The following MGA variants were observed in gnomAD, a reference collection of about 807,000 sequenced individuals.
MGA encodes the protein MAX dimerization protein MGA.
In MGA, 40 loss-of-function variants were observed where a neutral mutation model predicts 261.1. The ratio of observed to expected loss-of-function variants is 0.15; its 90% confidence interval spans 0.12 to 0.20. The LOEUF is 0.20. Among genes scored for constraint, MGA ranks in the 10% least tolerant of loss-of-function variants. The pLI, the probability that MGA is intolerant of heterozygous loss-of-function variation, is 1.00. For missense variants in MGA, 3,397 were observed against 3,630.5 expected (o/e 0.94, Z 1.65); for synonymous variants, 1,302 against 1,290.6 (o/e 1.01, Z -0.19).
chr15:41,758,635 T>C (rs753139805), intron 19 of MGA, among the ~76,000 whole-genome samples: 15 of 152,206 alleles, frequency 9.9e-5, no homozygotes, highest in Non-Finnish European at 1.6e-4. Flanking sequence ...TGTACCCAAA[T>C]AATTACATGC....
At chr15:41,745,044 GTATAT>G (rs2062363293) in intron 15 of MGA, among the ~76,000 whole-genome samples, 1 of 152,050 alleles carries the variant, frequency 6.6e-6, no homozygotes, top group South Asian at 2.1e-4. Context: ...ACGCAGTGGT[GTATAT>G]TATATTTTTA....
In MGA at chr15:41,749,854, G is replaced by C. The variant is rs1162363411; in HGVS notation, c.6247G>C (p.Val2083Leu). 1 of 1,613,908 alleles carries C rather than the reference G, an allele frequency of 6.2e-7. No individual in the cohort carries two copies. Among genetic ancestry groups the C allele is most frequent in the Non-Finnish European group, 8.5e-7 (1 of 1,179,882 alleles). ...TAAGAGTTCCAAAGAAAAAGTGGCT[G>C]TTCTGGAAGTTAGGACCATTTCTGA... The change falls in exon 17 of 24, where the codon GTT (valine) becomes CTT (leucine). Residue 2083 changes from valine to leucine, a missense_variant. Around this residue, in one of 9 missense-constraint regions of MGA, gnomAD observed 1,410 missense variants for 1,386.4 expected, o/e 1.02. Transcript: ENST00000219905.
intron 2 of MGA, among the ~76,000 whole-genome samples, chr15:41,683,780 C>T (rs2058799493): frequency 6.6e-6 from 1 of 151,682 alleles, no homozygotes; most frequent in African/African-American, 2.4e-5. Context: ...GGGGTTTCGC[C>T]ATGTTGCCCA....
chr15:41,666,914 G>A (rs2057775187), intron 1 of MGA, among the ~76,000 whole-genome samples: 1 of 152,082 alleles, frequency 6.6e-6, no homozygotes, highest in African/African-American at 2.4e-5. Context: ...TAAAGTCCTG[G>A]GAACAATTCT....
At position 41,749,815 on chromosome 15, in the gene MGA, G is replaced by A. The variant is rs768904931; in HGVS notation, c.6208G>A (p.Gly2070Arg). 8.1e-6 allele frequency: 13 copies of A among 1,613,928 alleles called. No homozygotes were observed. The change falls in exon 17 of 24, where the codon GGG (glycine) becomes AGG (arginine). Residue 2070 changes from glycine (G) to arginine (R), a missense_variant. Physicochemically the swap from Gly to Arg is moderately radical, Grantham distance 125 (BLOSUM62 -2). Around this residue, in one of 9 missense-constraint regions of MGA, gnomAD observed 1,410 missense variants for 1,386.4 expected, o/e 1.02. Transcript: ENST00000219905. Reference sequence around the variant, plus strand: ...TTATAAAGATGTTAATGAAGAATATGGGGCTAGGAATCGTAAGAGTTCCAA... The same window carrying A: ...TTATAAAGATGTTAATGAAGAATATAGGGCTAGGAATCGTAAGAGTTCCAA...
Position 41,670,019 on chromosome 15 carries a change from G to T in MGA, c.1064+61G>T, listed in dbSNP as rs2057956919. 19 of 1,348,246 alleles carry T rather than the reference G, an allele frequency of 1.4e-5. 1 individual carries two copies. The South Asian group carries it at 2.6e-4, about 19-fold the overall frequency. The allele number at this position is 1,348,246 out of a possible 1,614,324, so 83.5% of individuals were successfully genotyped here. ...GAAGATTGAGATGGGCCAGGTGTTG[G>T]ATTTAACATCTTGGTTCTGTGGAAT... On this transcript the variant is annotated intron_variant, in intron 2 of 23. Coordinates refer to ENST00000219905, the MANE Select transcript of MGA (RefSeq NM_001164273.2).
chr15:41,760,484 A>G lies in MGA; in HGVS notation c.7353A>G (p.Gly2451=). ...TTGAGAAATTAAAGATCACATTGGG[A>G]TTACTTCATTCTTCCAAGGTTTCCA... is the stretch of plus-strand genomic sequence containing the variant. Residue 2451 remains glycine, a synonymous_variant, in exon 20 of 24, where the codon GGA becomes GGG. Coordinates refer to ENST00000219905, the MANE Select transcript of MGA (RefSeq NM_001164273.2). 6.2e-7 allele frequency: 1 copy of G among 1,614,034 alleles called. No individual in the cohort carries two copies. The highest frequency in any genetic ancestry group is 8.5e-7 in the Non-Finnish European group (1 of 1,179,896).
Position 41,745,419 on chromosome 15 carries a change from C to G in MGA, c.5212+2247C>G, listed in dbSNP as rs551277287. Among the ~76,000 whole-genome samples, 3 of 150,230 alleles carry G rather than the reference C, an allele frequency of 2.0e-5. No individual in the cohort carries two copies. In the South Asian group the frequency reaches 6.3e-4, roughly 32 times the overall value. ...AAAATCATTAAATTCCTGTTAGCTA[C>G]TATATATTCTGAGCACATGGCTTTG... is the stretch of plus-strand genomic sequence containing the variant. On this transcript the variant is annotated intron_variant, in intron 15 of 23. Transcript: ENST00000219905.
chr15:41,639,194 C>A (rs1332811936), intron 1 of MGA, among the ~76,000 whole-genome samples: 5 of 152,136 alleles, frequency 3.3e-5, no homozygotes, highest in African/African-American at 1.2e-4. Flanking sequence ...TCTGACTTCA[C>A]CCTTTTCTTT....
At chr15:41,752,807 G>A (rs1172310651) in intron 17 of MGA, among the ~76,000 whole-genome samples, 3 of 151,964 alleles carry the variant, frequency 2.0e-5, no homozygotes, top group African/African-American at 4.8e-5. Context: ...ATCCACCCAC[G>A]TTGGCCTCCC....
Position 41,625,126 on chromosome 15 carries a change from A to G in MGA, c.-68+3828A>G, listed in dbSNP as rs150001495. Among the ~76,000 whole-genome samples the G allele has an allele frequency of 1.2e-4, 18 of 152,304 alleles. No individual in the cohort carries two copies. In the East Asian group the frequency reaches 3.5e-3, roughly 30 times the overall value. The stretch of plus-strand genomic sequence containing the variant: ...CACTGCACTCCAGATTGGCCAACAG[A>G]GTGAGACCCAGGCTCAACAAAAGAG... On this transcript the variant is annotated intron_variant, in intron 1 of 8. Coordinates refer to the MGA transcript ENST00000566718.
intron 1 of MGA, among the ~76,000 whole-genome samples, chr15:41,661,483 G>C (rs922921397): frequency 6.6e-6 from 1 of 152,044 alleles, no homozygotes; most frequent in African/African-American, 2.4e-5. Context: ...CTTGCCTTTC[G>C]AACCCTGGGA....
chr15:41,762,240 C>A lies in MGA; in HGVS notation c.7622C>A (p.Ser2541Tyr). 6.2e-7 allele frequency: 1 copy of A among 1,613,912 alleles called. No individual in the cohort carries two copies. The change falls in exon 22 of 24, where the codon TCT (serine) becomes TAT (tyrosine). Residue 2541 changes from serine (S) to tyrosine (Y), a missense_variant. Ser to Tyr is a moderately radical substitution (Grantham distance 144). Transcript: ENST00000219905. Reference sequence around the variant, plus strand: ...ATGGGATCAGATGAGTTTGACATATCTCCCAGAATTAGCAAACAGCAGGAA... The same window carrying A: ...ATGGGATCAGATGAGTTTGACATATATCCCAGAATTAGCAAACAGCAGGAA...
chr15:41,715,077 C>G, intron 9 of MGA, among the ~76,000 whole-genome samples: 1 of 150,552 alleles, frequency 6.6e-6, no homozygotes, highest in East Asian at 1.9e-4. Context: ...TGCCCACCCG[C>G]CCCCAGTGAA....
chr15:41,680,851 T>C (rs1301429103), intron 2 of MGA, among the ~76,000 whole-genome samples: 3 of 152,192 alleles, frequency 2.0e-5, no homozygotes, highest in African/African-American at 7.2e-5. Context: ...AAATCTGTGA[T>C]TGAACTTAAT....
At chr15:41,733,929 T>TTTTTC (rs1022898527) in intron 11 of MGA, among the ~76,000 whole-genome samples, 3 of 151,642 alleles carry the variant, frequency 2.0e-5, no homozygotes, top group African/African-American at 7.3e-5. Flanking sequence ...TTTCTTTTTT[T>TTTTTC]TTTCGAGATA....
intron 13 of MGA, among the ~76,000 whole-genome samples, chr15:41,737,857 G>A (rs1458706425): frequency 6.6e-6 from 1 of 152,084 alleles, no homozygotes; most frequent in African/African-American, 2.4e-5. Flanking sequence ...GCGCGCGCCT[G>A]TAATCCCAGC....
chr15:41,723,037 A>G (rs528705854), intron 9 of MGA, among the ~76,000 whole-genome samples: 5 of 152,330 alleles, frequency 3.3e-5, no homozygotes, highest in African/African-American at 1.2e-4. Flanking sequence ...TGGGTAATAT[A>G]TATTAGGAGG....
intron 2 of MGA, among the ~76,000 whole-genome samples, chr15:41,672,551 G>A (rs1595653885): frequency 2.0e-5 from 3 of 152,158 alleles, no homozygotes; most frequent in South Asian, 4.1e-4. Context: ...ATTTATTAAC[G>A]TATAGTATCT....
Sources: gnomAD v4.1 joint callset for allele counts (sites outside exome capture counted in the v4.1 genomes callset) on GRCh38, gnomAD v4.1.1 for gene constraint, gnomAD v4.1.1 regional missense constraint, MANE v1.5 for transcripts, NCBI Gene and HGNC (gene_info 2026-07-23, HGNC 2026-07-21) for gene names.